The following SNRPN variants were observed in gnomAD, a reference collection of about 807,000 sequenced individuals.
SNRPN encodes small nuclear ribonucleoprotein polypeptide N.
Under a neutral mutation model 25.2 loss-of-function variants are expected in SNRPN, and 7 were observed. The observed-to-expected ratio is 0.28, with a 90% CI of 0.16 to 0.52. The LOEUF is 0.52. Among genes scored for constraint, SNRPN ranks in the 20% least tolerant of loss-of-function variants. The pLI is 0.96. For synonymous variants in SNRPN, 124 were observed against 110.6 expected, an observed-to-expected ratio of 1.12 and a Z score of -0.76; for missense variants, 196 against 322.5, an observed-to-expected ratio of 0.61 and a Z score of 3.00.
At chr15:24,971,807 A>G (rs1409075952) in intron 3 of SNRPN, among the ~76,000 whole-genome samples, 1 of 152,128 alleles carries the variant, frequency 6.6e-6, no homozygotes, top group African/African-American at 2.4e-5. Context: ...TGAAGCAATG[A>G]TTTAAGTAAA....
At chr15:24,850,145 T>C (rs1326567749) in intron 2 of SNRPN, 2 of 152,198 alleles carry the variant, frequency 1.3e-5, no homozygotes, top group Non-Finnish European at 2.9e-5. Flanking sequence ...GTAAGTGATG[T>C]TACCAGAAGG....
intron 1 of SNRPN, among the ~76,000 whole-genome samples, chr15:24,870,511 C>CACA (rs2054992278): frequency 6.6e-6 from 1 of 152,168 alleles, no homozygotes; most frequent in African/African-American, 2.4e-5. Context: ...AACCCCCACT[C>CACA]TAACAGTGAG....
chr15:24,915,968 CTTTTTT>C (rs35835568), intron 2 of SNRPN, among the ~76,000 whole-genome samples: 1 of 97,376 alleles, frequency 1.0e-5, no homozygotes, highest in African/African-American at 3.9e-5. Context: ...GCCAGGTTGA[CTTTTTT>C]TTTTTTTTTT....
intron 1 of SNRPN, among the ~76,000 whole-genome samples, chr15:24,870,757 A>C (rs1458844870): frequency 6.6e-6 from 1 of 150,478 alleles, no homozygotes; most frequent in East Asian, 2.0e-4. Flanking sequence ...TTTCTTATTC[A>C]TTTTTCTTAT....
At chr15:24,949,627 G>A (rs919884417) in intron 3 of SNRPN, among the ~76,000 whole-genome samples, 1 of 152,006 alleles carries the variant, frequency 6.6e-6, no homozygotes, top group Non-Finnish European at 1.5e-5. Flanking sequence ...CTCCAGCCTG[G>A]GTGACAGAGT....
intron 3 of SNRPN, among the ~76,000 whole-genome samples, chr15:24,944,496 G>A (rs893929333): frequency 7.2e-5 from 11 of 152,254 alleles, no homozygotes; most frequent in Admixed American, 4.6e-4. Context: ...TCAGGAGTTC[G>A]AGAGTGGCCT....
chr15:24,847,221 G>A (rs780035313), intron 2 of SNRPN, among the ~76,000 whole-genome samples: 51 of 152,010 alleles, frequency 3.4e-4, no homozygotes, highest in Non-Finnish European at 6.8e-4. Flanking sequence ...TATGCTCACA[G>A]CGCCACCTAG....
upstream of SNRPN, among the ~76,000 whole-genome samples, chr15:24,855,605 T>C (rs1299072331): frequency 6.6e-6 from 1 of 151,772 alleles, no homozygotes; most frequent in Non-Finnish European, 1.5e-5. Context: ...GCCTGGCCAA[T>C]GTGGCAAAAT....
chr15:24,835,089 A>T (rs56005722), intron 2 of SNRPN, among the ~76,000 whole-genome samples: 2 of 25,086 alleles, frequency 8.0e-5, no homozygotes, highest in Admixed American at 8.9e-4. Flanking sequence ...CTATATATAA[A>T]ATATATAGAT....
chr15:24,978,203 T>G lies in SNRPN; in HGVS notation c.570T>G (p.Ala190=). The G allele has an allele frequency of 1.9e-6, 3 of 1,613,870 alleles. No homozygotes were observed. Among genetic ancestry groups the G allele is most frequent in the Non-Finnish European group, 1.7e-6 (2 of 1,179,840 alleles). ...GRATPPPGIM[A]PPPGMRPPMG... ...CATTTTTCACTGTAGGCATTATGGC[T>G]CCTCCACCTGGTATGAGACCACCCA... Residue 190 remains alanine, a synonymous_variant, in exon 9 of 10, where the codon GCT becomes GCG. Coordinates refer to ENST00000390687, the MANE Select transcript of SNRPN (RefSeq NM_003097.6).
intron 1 of SNRPN, among the ~76,000 whole-genome samples, chr15:24,878,371 G>A (rs947212997): frequency 1.3e-5 from 2 of 151,098 alleles, no homozygotes; most frequent in Admixed American, 1.3e-4. Flanking sequence ...GCTACGGGAA[G>A]GTCACCTGAC....
At chr15:24,956,700 A>AG (rs2062974642) in intron 1 of SNRPN, among the ~76,000 whole-genome samples, 1 of 152,082 alleles carries the variant, frequency 6.6e-6, no homozygotes, top group African/African-American at 2.4e-5. Context: ...GGCGCAGTAG[A>AG]GGGGGGAGGA....
intron 3 of SNRPN, 40 bp from the exon 4 acceptor site, chr15:24,974,271 G>A (rs1457140570): frequency 1.6e-6 from 1 of 609,016 alleles, no homozygotes; most frequent in African/African-American, 1.9e-5. Flanking sequence ...TTTAAAACAT[G>A]GTAGATTGCA....
intron 1 of SNRPN, among the ~76,000 whole-genome samples, chr15:24,824,999 T>G (rs970444702): frequency 1.3e-5 from 2 of 152,106 alleles, no homozygotes; most frequent in Admixed American, 1.3e-4. Context: ...GTTATACAAG[T>G]AATGAAATCC....
At chr15:24,970,090 G>A (rs1053014070) in intron 3 of SNRPN, among the ~76,000 whole-genome samples, 6 of 152,204 alleles carry the variant, frequency 3.9e-5, no homozygotes, top group Non-Finnish European at 7.3e-5. Context: ...ATAAAGAATA[G>A]ATTATAGAAG....
chr15:24,898,841 A>T (rs2058254196), intron 2 of SNRPN, among the ~76,000 whole-genome samples: 1 of 152,136 alleles, frequency 6.6e-6, no homozygotes, highest in Non-Finnish European at 1.5e-5. Context: ...AGAAACTGGG[A>T]CCAGGGGCCA....
intron 2 of SNRPN, among the ~76,000 whole-genome samples, chr15:24,902,485 G>C (rs1466169874): frequency 2.0e-5 from 3 of 152,188 alleles, no homozygotes; most frequent in Non-Finnish European, 4.4e-5. Context: ...TTCAGGAACT[G>C]TGTCTGCAAT....
At chr15:24,934,281 G>C (rs1472796238) in intron 3 of SNRPN, among the ~76,000 whole-genome samples, 1 of 152,138 alleles carries the variant, frequency 6.6e-6, no homozygotes, top group Non-Finnish European at 1.5e-5. Flanking sequence ...CTGGGCAACA[G>C]AGTGAGACTC....
chr15:24,832,733 T>C (rs1214984018), intron 2 of SNRPN, among the ~76,000 whole-genome samples: 1 of 151,916 alleles, frequency 6.6e-6, no homozygotes, highest in Non-Finnish European at 1.5e-5. Flanking sequence ...TCAGTTCAAC[T>C]TGGTGGAGCA....
Sources: allele counts gnomAD v4.1 joint callset (sites outside exome capture counted in the v4.1 genomes callset), GRCh38; gene constraint gnomAD v4.1.1; transcripts MANE v1.5; gene names NCBI Gene and HGNC (gene_info 2026-07-23, HGNC 2026-07-21).